Variants in ANKS1B observed in about 807,000 individuals in gnomAD.
The protein encoded by ANKS1B is ankyrin repeat and sterile alpha motif domain containing 1B, also known as ankyrin repeat and sterile alpha motif domain-containing protein 1B.
Under a neutral mutation model 148.3 loss-of-function variants are expected in ANKS1B, and 36 were observed. The ratio of observed to expected loss-of-function variants is 0.24; its 90% CI spans 0.19 to 0.32. ANKS1B has a LOEUF of 0.32. Among genes scored for constraint, ANKS1B ranks in the 10% least tolerant of loss-of-function variants. ANKS1B has a pLI of 1.00. For missense variants in ANKS1B, 1,157 were observed against 1,542.6 expected (o/e 0.75, Z 4.19); for synonymous variants, 542 against 560.8 (o/e 0.97, Z 0.47).
intron 12 of ANKS1B, among the ~76,000 whole-genome samples, chr12:99,324,790 T>C (rs1417768004): frequency 6.6e-6 from 1 of 152,098 alleles, no homozygotes; most frequent in Non-Finnish European, 1.5e-5. Context: ...TTACTAACCA[T>C]CATTTTTTTT....
intron 8 of ANKS1B, among the ~76,000 whole-genome samples, chr12:99,660,111 G>T (rs778915580): frequency 1.9e-4 from 29 of 152,132 alleles, no homozygotes; most frequent in Non-Finnish European, 3.7e-4. Flanking sequence ...TAGTTCTAAA[G>T]TAAAATTGCT....
chr12:99,235,612 C>T (rs2153957038), intron 14 of ANKS1B, among the ~76,000 whole-genome samples: 1 of 152,300 alleles, frequency 6.6e-6, no homozygotes, highest in African/African-American at 2.4e-5. Flanking sequence ...TGTTTGTCAG[C>T]ATTTCTATGT....
chr12:99,680,185 A>C (rs2098605965), intron 8 of ANKS1B, among the ~76,000 whole-genome samples: 1 of 152,232 alleles, frequency 6.6e-6, no homozygotes, highest in African/African-American at 2.4e-5. Flanking sequence ...CCATGCCTGT[A>C]ATCCCAGCAC....
chr12:99,260,398 C>T (rs2075798324), intron 12 of ANKS1B, among the ~76,000 whole-genome samples: 1 of 152,142 alleles, frequency 6.6e-6, no homozygotes, highest in South Asian at 2.1e-4. Context: ...GCAGTGCATT[C>T]AAATGTATCC....
chr12:99,795,379 GAA>G (rs2066127758), intron 4 of ANKS1B, among the ~76,000 whole-genome samples: 1 of 151,464 alleles, frequency 6.6e-6, no homozygotes, highest in Non-Finnish European at 1.5e-5. Context: ...TGTGACAAGA[GAA>G]AAAAAATCTA....
At chr12:98,738,863 G>C (rs1423585935) in intron 9 of ANKS1B, among the ~76,000 whole-genome samples, 1 of 152,160 alleles carries the variant, frequency 6.6e-6, no homozygotes, top group Non-Finnish European at 1.5e-5. Context: ...TTAGCAGTGA[G>C]CCCTTCACTA....
intron 10 of ANKS1B, among the ~76,000 whole-genome samples, chr12:99,462,291 G>C (rs1296145506): frequency 2.6e-5 from 4 of 152,212 alleles, no homozygotes; most frequent in Non-Finnish European, 5.9e-5. Context: ...CCAGGTGCAA[G>C]CTGCTTTCAA....
intron 12 of ANKS1B, among the ~76,000 whole-genome samples, chr12:99,315,571 T>C (rs1236332591): frequency 6.6e-6 from 1 of 152,224 alleles, no homozygotes; most frequent in Non-Finnish European, 1.5e-5. Context: ...GTTTTATTAA[T>C]ATTTGAATAT....
chr12:99,154,951 G>C, intron 14 of ANKS1B: 2 of 1,535,422 alleles, frequency 1.3e-6, no homozygotes, highest in Non-Finnish European at 1.7e-6. Flanking sequence ...GCCTGCTGCT[G>C]CTGCTTCCTC....
chr12:99,467,161 G>A (rs528280201), intron 10 of ANKS1B, among the ~76,000 whole-genome samples: 1 of 152,218 alleles, frequency 6.6e-6, no homozygotes, highest in Admixed American at 6.5e-5. Flanking sequence ...ATGTAATCCA[G>A]CATATAAACA....
chr12:99,833,573 T>C lies in ANKS1B; in HGVS notation c.135-8184A>G, dbSNP rs2084359064. Among the ~76,000 whole-genome samples, 5 of 152,210 alleles carry C rather than the reference T, an allele frequency of 3.3e-5. No homozygotes were observed. The South Asian group carries it at 1.0e-3, about 32-fold the overall frequency. On this transcript the variant is annotated intron_variant, in intron 1 of 26. Transcript: ENST00000683438. Reference sequence around the variant, plus strand: ...TGCATCAATGATGAGATATCTCCACTAGAAAAAGCTGCAAGGGCAGTAGTA... The same window carrying C: ...TGCATCAATGATGAGATATCTCCACCAGAAAAAGCTGCAAGGGCAGTAGTA...
intron 13 of ANKS1B, among the ~76,000 whole-genome samples, 172 bp from the exon 14 acceptor site, chr12:99,244,586 G>A (rs963288083): frequency 6.6e-6 from 1 of 152,212 alleles, no homozygotes; most frequent in African/African-American, 2.4e-5. Context: ...CTTTCGGATT[G>A]TTTTATTAAA....
At chr12:99,489,910 G>A (rs1462118657) in intron 10 of ANKS1B, among the ~76,000 whole-genome samples, 1 of 152,166 alleles carries the variant, frequency 6.6e-6, no homozygotes, top group Admixed American at 6.5e-5. Flanking sequence ...AATGGCAACT[G>A]CAGTTTTTCT....
chr12:99,711,293 TTTTTAAC>T (rs2056602506), intron 8 of ANKS1B, among the ~76,000 whole-genome samples: 1 of 152,162 alleles, frequency 6.6e-6, no homozygotes, highest in African/African-American at 2.4e-5. Flanking sequence ...AGTTTTAATT[TTTTTAAC>T]TTTTAAGTTC....
chr12:99,426,983 C>T (rs2095267512), intron 11 of ANKS1B, among the ~76,000 whole-genome samples: 1 of 152,158 alleles, frequency 6.6e-6, no homozygotes, highest in Non-Finnish European at 1.5e-5. Flanking sequence ...ACCTGTATCT[C>T]CTAAATTCAA....
chr12:99,545,176 C>T (rs1013148923), intron 9 of ANKS1B, among the ~76,000 whole-genome samples: 14 of 152,246 alleles, frequency 9.2e-5, no homozygotes, highest in Admixed American at 7.2e-4. Flanking sequence ...CATGAGGGAG[C>T]TCTATTTCTA....
At chr12:99,060,476 G>A (rs2042028491) in intron 16 of ANKS1B, among the ~76,000 whole-genome samples, 1 of 151,910 alleles carries the variant, frequency 6.6e-6, no homozygotes, top group African/African-American at 2.4e-5. Flanking sequence ...AGGAAGAAAG[G>A]TTTTCTCGGC....
At chr12:99,888,189 G>C (rs1006800766) in intron 1 of ANKS1B, among the ~76,000 whole-genome samples, 1 of 152,212 alleles carries the variant, frequency 6.6e-6, no homozygotes, top group African/African-American at 2.4e-5. Flanking sequence ...GAGAGAGGAA[G>C]TAACAGGGGA....
intron 1 of ANKS1B, among the ~76,000 whole-genome samples, chr12:99,916,411 G>A (rs192932962): frequency 1.3e-5 from 2 of 152,264 alleles, no homozygotes; most frequent in African/African-American, 4.8e-5. Flanking sequence ...AAGAGCATTT[G>A]GAAGCCAGAT....
Sources: gnomAD v4.1 joint callset for allele counts (sites outside exome capture counted in the v4.1 genomes callset) on GRCh38, gnomAD v4.1.1 for gene constraint, MANE v1.5 for transcripts, NCBI Gene and HGNC (gene_info 2026-07-23, HGNC 2026-07-21) for gene names.